The following ADK variants were observed in gnomAD, a reference collection of about 807,000 sequenced individuals.
ADK encodes the protein adenosine kinase.
A neutral mutation model predicts 44.7 loss-of-function variants in ADK; 24 were observed. That is an observed-to-expected ratio of 0.54 (90% CI 0.39 to 0.76). The LOEUF (loss-of-function observed/expected upper bound fraction) is 0.76. ADK is among the 30% of genes least tolerant of loss of function. The pLI is 0.00. For synonymous variants in ADK, 128 were observed against 142.6 expected (o/e 0.90, Z 0.73); for missense variants, 321 against 425.1 (o/e 0.76, Z 2.15).
rs141968511 is a variant in ADK, at chr10:74,505,269, T to C, written c.556-19987T>C. Reference sequence around the variant, plus strand: ...TGCTTTTGGTTCAGTGCCCATATCATAGAAGGGTCCATGTTGTAAAAGAAG... The same window carrying C: ...TGCTTTTGGTTCAGTGCCCATATCACAGAAGGGTCCATGTTGTAAAAGAAG... On this transcript the variant is annotated intron_variant, in intron 6 of 10. Coordinates refer to ENST00000539909, the MANE Select transcript of ADK (RefSeq NM_006721.4). Among the ~76,000 whole-genome samples, 48 of 152,362 alleles carry C rather than the reference T, an allele frequency of 3.2e-4. No individual in the cohort carries two copies. The East Asian group carries it at 6.2e-3, about 20-fold the overall frequency.
At chr10:74,385,383 A>G (rs909686732) in intron 4 of ADK, among the ~76,000 whole-genome samples, 1 of 152,174 alleles carries the variant, frequency 6.6e-6, no homozygotes, top group Non-Finnish European at 1.5e-5. Context: ...CTCAGCATAT[A>G]GATGATAATT....
rs3037448 is a variant in ADK, at chr10:74,677,965, C to CAAAAAA, written c.964+7718_964+7723dup. Among the ~76,000 whole-genome samples, 18 of 43,072 alleles carry CAAAAAA rather than the reference C, an allele frequency of 4.2e-4. 4 individuals carry two copies. Among genetic ancestry groups the CAAAAAA allele is most frequent in the African/African-American group, 4.9e-4 (5 of 10,286 alleles). 28.3% of individuals were successfully genotyped at this position (43,072 alleles called of 152,430 possible). On this transcript the variant is annotated intron_variant, in intron 10 of 10. Coordinates refer to ENST00000539909, the MANE Select transcript of ADK (RefSeq NM_006721.4). Reference sequence around the variant, plus strand: ...CAGCACAGTGAGACCCCAGTCTCTACAAAAAAAAAAAAAAAAAAAAAAAAA... The same window carrying CAAAAAA: ...CAGCACAGTGAGACCCCAGTCTCTACAAAAAAAAAAAAAAAAAAAAAAAAAAAAAAA...
intron 9 of ADK, among the ~76,000 whole-genome samples, chr10:74,659,441 A>G (rs1244144848): frequency 2.0e-5 from 3 of 152,226 alleles, no homozygotes; most frequent in Non-Finnish European, 4.4e-5. Flanking sequence ...ACATGAACAA[A>G]CTAAGAGATT....
Position 74,355,268 on chromosome 10 carries a change from T to G in ADK, c.274-38873T>G, listed in dbSNP as rs924650636. Among the ~76,000 whole-genome samples, 10 of 152,360 alleles carry G rather than the reference T, an allele frequency of 6.6e-5. No homozygotes were observed. The East Asian group carries it at 1.9e-3, about 29-fold the overall frequency. On this transcript the variant is annotated intron_variant, in intron 4 of 10. Coordinates refer to ENST00000539909, the MANE Select transcript of ADK (RefSeq NM_006721.4). ...ACCAACTATTAGTAAAGATACTTGCTTCCTAATCAAGATTACTTGGAATTG... is the reference window on the plus strand; with the variant it reads ...ACCAACTATTAGTAAAGATACTTGCGTCCTAATCAAGATTACTTGGAATTG...
In ADK at chr10:74,611,488, C is replaced by CT. The variant is rs779755217; in HGVS notation, c.877+11011dup. On this transcript the variant is annotated intron_variant, in intron 9 of 10. Transcript: ENST00000539909. ...GAGTTTTTGGTAAATACAGTCCTAC[C>CT]TTTTTTTTTTTTTTTTAATTTTAGA... 5.1e-3 allele frequency among the ~76,000 whole-genome samples: 704 copies of CT among 137,570 alleles called. 4 individuals are homozygous for CT. Among genetic ancestry groups the CT allele is most frequent in the African/African-American group, 0.013 (478 of 37,580 alleles). The allele number at this position is 137,570 out of a possible 152,430, so 90.3% of individuals were successfully genotyped here.
chr10:74,702,895 C>T (rs187259335), intron 10 of ADK, among the ~76,000 whole-genome samples: 1 of 152,214 alleles, frequency 6.6e-6, no homozygotes, highest in East Asian at 1.9e-4. Flanking sequence ...CCGTGCCTGG[C>T]CTATGTGATC....
chr10:74,630,163 G>A lies in ADK; in HGVS notation c.877+29670G>A, dbSNP rs945796907. ...CTTCATCCAGCTTTCCCAAACATTAGCATTTTATATAACCAGAGTACATAT... is the reference window on the plus strand; with the variant it reads ...CTTCATCCAGCTTTCCCAAACATTAACATTTTATATAACCAGAGTACATAT... On this transcript the variant is annotated intron_variant, in intron 9 of 10. Transcript: ENST00000539909. Among the ~76,000 whole-genome samples, 3 of 151,832 alleles carry A rather than the reference G, an allele frequency of 2.0e-5. No homozygotes were observed. The South Asian group carries it at 6.2e-4, about 32-fold the overall frequency.
At chr10:74,155,598 C>T (rs1172639446) in intron 1 of ADK, among the ~76,000 whole-genome samples, 10 of 152,162 alleles carry the variant, frequency 6.6e-5, no homozygotes, top group African/African-American at 2.2e-4. Context: ...GGCACAGTCT[C>T]GGCTCACTGC....
intron 3 of ADK, among the ~76,000 whole-genome samples, chr10:74,304,963 C>T (rs953747211): frequency 6.6e-6 from 1 of 152,104 alleles, no homozygotes; most frequent in South Asian, 2.1e-4. Context: ...GGATTGGTTC[C>T]GGGAACTTCC....
At chr10:74,522,550 C>G (rs972422708) in intron 6 of ADK, among the ~76,000 whole-genome samples, 1 of 152,006 alleles carries the variant, frequency 6.6e-6, no homozygotes, top group Non-Finnish European at 1.5e-5. Context: ...AAAGATGGAC[C>G]CCAATACACA....
chr10:74,202,376 A>G (rs1338223927), intron 2 of ADK, among the ~76,000 whole-genome samples: 11 of 152,062 alleles, frequency 7.2e-5, no homozygotes, highest in Admixed American at 6.6e-4. Flanking sequence ...ATGGACACTT[A>G]TGTTGTTTTT....
intron 7 of ADK, among the ~76,000 whole-genome samples, chr10:74,577,559 C>A (rs1851237716): frequency 6.6e-6 from 1 of 151,034 alleles, no homozygotes; most frequent in African/African-American, 2.4e-5. Context: ...AAAATTCTGA[C>A]CTGGGGGATA....
intron 2 of ADK, among the ~76,000 whole-genome samples, chr10:74,217,708 G>T (rs1386221844): frequency 6.6e-6 from 1 of 152,204 alleles, no homozygotes; most frequent in African/African-American, 2.4e-5. Flanking sequence ...AGCATTCGCG[G>T]TTCACGAAAA....
intron 6 of ADK, among the ~76,000 whole-genome samples, chr10:74,405,063 GTTTC>G (rs543882310): frequency 2.6e-5 from 4 of 151,596 alleles, no homozygotes; most frequent in Non-Finnish European, 5.9e-5. Context: ...TTTTTATTTT[GTTTC>G]TTTCTCTATG....
chr10:74,640,513 G>C (rs969399290), intron 9 of ADK, among the ~76,000 whole-genome samples: 7 of 152,070 alleles, frequency 4.6e-5, no homozygotes, highest in African/African-American at 1.7e-4. Flanking sequence ...CAATTCTCTG[G>C]GCCTTATTTT....
chr10:74,528,572 A>C (rs1179042435), intron 7 of ADK, among the ~76,000 whole-genome samples: 1 of 152,188 alleles, frequency 6.6e-6, no homozygotes, highest in Non-Finnish European at 1.5e-5. Context: ...ACTAACAAGA[A>C]TGTGAAAAGA....
chr10:74,690,251 T>C (rs558652781), intron 10 of ADK, among the ~76,000 whole-genome samples: 1 of 152,300 alleles, frequency 6.6e-6, no homozygotes, highest in East Asian at 1.9e-4. Flanking sequence ...TCCCAGCAAT[T>C]TGGGAAGCTG....
intron 6 of ADK, among the ~76,000 whole-genome samples, chr10:74,459,050 G>A (rs1048098350): frequency 5.9e-5 from 9 of 151,938 alleles, no homozygotes; most frequent in East Asian, 1.9e-4. Flanking sequence ...AGGCTGAGGC[G>A]GGTGGATCAC....
intron 7 of ADK, among the ~76,000 whole-genome samples, chr10:74,561,292 TA>T (rs1850448570): frequency 1.3e-5 from 2 of 152,202 alleles, no homozygotes; most frequent in African/African-American, 4.8e-5. Context: ...TAAAGAGAAG[TA>T]CCTCCTGGAA....
Sources: allele counts gnomAD v4.1 joint callset (sites outside exome capture counted in the v4.1 genomes callset), GRCh38; gene constraint gnomAD v4.1.1; transcripts MANE v1.5; gene names NCBI Gene and HGNC (gene_info 2026-07-23, HGNC 2026-07-21).